CTNNA3: variants seen among roughly 807,000 people sequenced by gnomAD.
The protein encoded by CTNNA3 is catenin alpha-3.
A neutral mutation model predicts 95.7 loss-of-function variants in CTNNA3; 76 were observed. The observed-to-expected ratio is 0.79, with a 90% CI of 0.66 to 0.96. The LOEUF is 0.96. CTNNA3 is among the 40% of genes least tolerant of loss of function. CTNNA3 has a pLI of 0.00. For synonymous variants in CTNNA3, 431 were observed against 374.4 expected (o/e 1.15, Z -1.74); for missense variants, 1,191 against 1,089.8 (o/e 1.09, Z -1.31).
intron 12 of CTNNA3, among the ~76,000 whole-genome samples, chr10:66,375,858 A>G (rs919426297): frequency 6.6e-6 from 1 of 152,148 alleles, no homozygotes. Context: ...CTATATGGCA[A>G]TTGTTCATTC....
intron 7 of CTNNA3, among the ~76,000 whole-genome samples, chr10:66,811,540 G>A (rs1841876016): frequency 6.6e-6 from 1 of 152,106 alleles, no homozygotes; most frequent in African/African-American, 2.4e-5. Context: ...TAGTTTGAAC[G>A]GAAGAGTTCT....
intron 13 of CTNNA3, among the ~76,000 whole-genome samples, chr10:66,139,069 C>T (rs964774872): frequency 1.3e-5 from 2 of 152,126 alleles, no homozygotes; most frequent in African/African-American, 4.8e-5. Flanking sequence ...GATTTTTCTC[C>T]TGACTCAATG....
chr10:66,449,831 T>C (rs2093450449), intron 11 of CTNNA3, among the ~76,000 whole-genome samples: 1 of 151,880 alleles, frequency 6.6e-6, no homozygotes, highest in South Asian at 2.1e-4. Flanking sequence ...CTTTTGATCT[T>C]CTACATGAAA....
At chr10:66,308,585 C>G (rs575936145) in intron 12 of CTNNA3, among the ~76,000 whole-genome samples, 46 of 152,228 alleles carry the variant, frequency 3.0e-4, no homozygotes, top group Admixed American at 2.9e-3. Flanking sequence ...TTATGAAATT[C>G]TGAATCAATC....
chr10:66,795,473 A>G (rs1372708204), intron 7 of CTNNA3, among the ~76,000 whole-genome samples: 1 of 152,142 alleles, frequency 6.6e-6, no homozygotes, highest in Non-Finnish European at 1.5e-5. Context: ...CAACATAAAC[A>G]CATTTGCTGT....
chr10:66,246,362 T>A (rs1391320222), intron 13 of CTNNA3, among the ~76,000 whole-genome samples: 1 of 151,874 alleles, frequency 6.6e-6, no homozygotes, highest in African/African-American at 2.4e-5. Flanking sequence ...GAGCTGGAGG[T>A]TGGAGTCTGC....
At chr10:66,859,637 A>C (rs1843826366) in intron 7 of CTNNA3, among the ~76,000 whole-genome samples, 1 of 146,096 alleles carries the variant, frequency 6.8e-6, no homozygotes, top group Non-Finnish European at 1.5e-5. Context: ...AACTGGAAAT[A>C]CCATGTGACC....
chr10:66,629,508 T>C lies in CTNNA3; in HGVS notation c.1282-7724A>G, dbSNP rs554948269. On this transcript the variant is annotated intron_variant, in intron 9 of 17. Transcript: ENST00000433211. ...TCCTCTACCCTAGTTAAGATTTTGA[T>C]CAGTTTTATTTATTTTATTCTTGTT... Among the ~76,000 whole-genome samples the C allele has an allele frequency of 4.4e-3, 673 of 152,278 alleles. 3 individuals carry two copies. The highest frequency in any genetic ancestry group is 7.4e-3 in the Non-Finnish European group (503 of 68,012).
intron 7 of CTNNA3, among the ~76,000 whole-genome samples, chr10:67,070,589 T>C (rs562497850): frequency 6.6e-6 from 1 of 151,684 alleles, no homozygotes; most frequent in South Asian, 2.1e-4. Context: ...TCTAGTAAAA[T>C]ACAGAAAATT....
At position 67,539,565 on chromosome 10, in the gene CTNNA3, T is replaced by A; in HGVS notation, c.397A>T (p.Thr133Ser). 6.2e-7 allele frequency: 1 copy of A among 1,613,858 alleles called. No homozygotes were observed. Among genetic ancestry groups the A allele is most frequent in the Non-Finnish European group, 8.5e-7 (1 of 1,179,832 alleles). Residue 133 changes from threonine to serine, a missense_variant, in exon 4 of 18, where the codon ACG becomes TCG. Thr to Ser is a moderately conservative substitution (Grantham distance 58). Transcript: ENST00000433211. ...QAARALLAAV[T>S]RLLILADMID... Reference sequence around the variant, plus strand: ...ATGTCCGCAAGGATAAGGAGTCTCGTCACCGCAGCCAGCAAGGCACGGGCA... The same window carrying A: ...ATGTCCGCAAGGATAAGGAGTCTCGACACCGCAGCCAGCAAGGCACGGGCA...
intron 11 of CTNNA3, among the ~76,000 whole-genome samples, chr10:66,392,987 G>A (rs1911481): frequency 0.37 from 55,667 of 151,926 alleles, 12,447 homozygotes; most frequent in African/African-American, 0.62. Flanking sequence ...CAAAACTTAG[G>A]TGTAACCAAC....
At chr10:66,152,173 G>C (rs2084237207) in intron 13 of CTNNA3, among the ~76,000 whole-genome samples, 1 of 151,910 alleles carries the variant, frequency 6.6e-6, no homozygotes, top group Admixed American at 6.6e-5. Context: ...AAACTTGACA[G>C]AAATATTAAG....
rs1262818329 is a variant in CTNNA3, at chr10:66,974,151, T to C, written c.1048-198627A>G. On this transcript the variant is annotated intron_variant, in intron 7 of 17. Transcript: ENST00000433211. The stretch of plus-strand genomic sequence containing the variant: ...CTGTCTCTATCACCACAGATTAATT[T>C]TGCCTAATTTCGAGCTTGATACGAA... 2.0e-5 allele frequency among the ~76,000 whole-genome samples: 3 copies of C among 152,160 alleles called. No individual in the cohort carries two copies. The East Asian group carries it at 5.8e-4, about 29-fold the overall frequency.
rs140360740 is a variant in CTNNA3, at chr10:67,624,002, T to C, written c.100-16953A>G. 3.6e-3 allele frequency among the ~76,000 whole-genome samples: 553 copies of C among 152,148 alleles called. 5 individuals are homozygous for C. The highest frequency in any genetic ancestry group is 0.013 in the African/African-American group (519 of 41,494). ...ACGCCTGGCTAATTTTTTGTATTTT[T>C]AGTAGAGACAGGTTTCTCCATGTTG... On this transcript the variant is annotated intron_variant, in intron 2 of 17. Coordinates refer to ENST00000433211, the MANE Select transcript of CTNNA3 (RefSeq NM_013266.4).
At chr10:66,893,151 C>T (rs564095146) in intron 7 of CTNNA3, among the ~76,000 whole-genome samples, 178 of 152,150 alleles carry the variant, frequency 1.2e-3, no homozygotes, top group Non-Finnish European at 2.4e-3. Flanking sequence ...AAAGGTTTGA[C>T]CCTTGGGTCC....
intron 1 of CTNNA3, among the ~76,000 whole-genome samples, chr10:67,745,297 G>T (rs573417698): frequency 6.6e-6 from 1 of 151,974 alleles, no homozygotes; most frequent in South Asian, 2.1e-4. Flanking sequence ...AAGAAAATTT[G>T]GCACATATAC....
chr10:66,733,496 AT>A (rs1340689496), intron 9 of CTNNA3, among the ~76,000 whole-genome samples: 1 of 151,842 alleles, frequency 6.6e-6, no homozygotes, highest in Non-Finnish European at 1.5e-5. Flanking sequence ...GTATGTTTTT[AT>A]TTTAAAGTAT....
chr10:67,159,131 A>G (rs1047463998), intron 7 of CTNNA3, among the ~76,000 whole-genome samples: 1 of 152,208 alleles, frequency 6.6e-6, no homozygotes, highest in Non-Finnish European at 1.5e-5. Context: ...ATAGAACAAC[A>G]CTGTGAAACT....
chr10:66,931,803 T>C (rs1847411941), intron 7 of CTNNA3, among the ~76,000 whole-genome samples: 1 of 152,168 alleles, frequency 6.6e-6, no homozygotes, highest in Non-Finnish European at 1.5e-5. Context: ...GTGTCCAAGA[T>C]GAAAAGCGAG....
Sources: allele counts gnomAD v4.1 joint callset (sites outside exome capture counted in the v4.1 genomes callset), GRCh38; gene constraint gnomAD v4.1.1; transcripts MANE v1.5; gene names NCBI Gene and HGNC (gene_info 2026-07-23, HGNC 2026-07-21).